Variants in PTPRD observed in about 807,000 individuals in gnomAD.
PTPRD encodes receptor-type tyrosine-protein phosphatase delta.
A neutral mutation model predicts 214.5 loss-of-function variants in PTPRD; 34 were observed. The ratio of observed to expected loss-of-function variants is 0.16; its 90% CI spans 0.12 to 0.21. The LOEUF is 0.21. PTPRD is among the 10% of genes least tolerant of loss of function. The pLI is 1.00. For synonymous variants in PTPRD, 1,128 were observed against 845.7 expected, an observed-to-expected ratio of 1.33 and a Z score of -5.79; for missense variants, 2,545 against 2,398.7, an observed-to-expected ratio of 1.06 and a Z score of -1.27.
intron 9 of PTPRD, among the ~76,000 whole-genome samples, chr9:9,238,653 T>A (rs922452332): frequency 2.6e-5 from 4 of 152,122 alleles, no homozygotes; most frequent in East Asian, 1.9e-4. Flanking sequence ...AAGCTGGGCA[T>A]AGAATGGGCT....
intron 2 of PTPRD, among the ~76,000 whole-genome samples, chr9:10,597,170 G>A (rs897979291): frequency 2.0e-5 from 3 of 151,360 alleles, no homozygotes; most frequent in African/African-American, 7.3e-5. Flanking sequence ...ATTACGAATA[G>A]TACAAAAGGT....
At chr9:9,260,956 A>G (rs972426524) in intron 9 of PTPRD, among the ~76,000 whole-genome samples, 5 of 151,804 alleles carry the variant, frequency 3.3e-5, no homozygotes, top group Non-Finnish European at 7.4e-5. Context: ...ATTCTTTGGT[A>G]TTTTCTCGCA....
intron 2 of PTPRD, among the ~76,000 whole-genome samples, chr9:10,503,191 T>TAAAAAA (rs1385726789): frequency 2.4e-3 from 4 of 1,688 alleles, no homozygotes; most frequent in South Asian, 0.02. Flanking sequence ...ACAGCTGCAA[T>TAAAAAA]ACAAAAAAAA....
chr9:9,349,586 CTAAGT>C lies in PTPRD; in HGVS notation c.-203+47858_-203+47862del, dbSNP rs1159631549. 3.4e-5 allele frequency among the ~76,000 whole-genome samples: 4 copies of C among 117,852 alleles called. No individual in the cohort carries two copies. The South Asian group carries it at 9.4e-4, about 28-fold the overall frequency. 77.3% of individuals were successfully genotyped at this position (117,852 alleles called of 152,430 possible). ...TGAAAATTGGATTTTTTTCATTTCT[CTAAGT>C]TTTTTTTTTTTTGTATACTAAAGTT... On this transcript the variant is annotated intron_variant, in intron 9 of 45. Coordinates refer to ENST00000381196, the MANE Select transcript of PTPRD (RefSeq NM_002839.4).
At chr9:10,478,777 A>G (rs1347405525) in intron 2 of PTPRD, among the ~76,000 whole-genome samples, 2 of 151,582 alleles carry the variant, frequency 1.3e-5, no homozygotes, top group Admixed American at 6.6e-5. Flanking sequence ...AGTTGAGGAA[A>G]ATTTCAGAAA....
At chr9:9,952,002 G>T (rs981411783) in intron 4 of PTPRD, among the ~76,000 whole-genome samples, 1 of 152,092 alleles carries the variant, frequency 6.6e-6, no homozygotes, top group Admixed American at 6.6e-5. Context: ...CACAATTATG[G>T]CCTACAGGAA....
intron 3 of PTPRD, among the ~76,000 whole-genome samples, chr9:10,307,399 A>T (rs948651228): frequency 6.6e-6 from 1 of 152,074 alleles, no homozygotes; most frequent in Non-Finnish European, 1.5e-5. Context: ...TATAAATGAC[A>T]GGACTGTGTT....
At chr9:9,083,706 G>GA (rs938097251) in intron 10 of PTPRD, among the ~76,000 whole-genome samples, 3 of 151,356 alleles carry the variant, frequency 2.0e-5, no homozygotes, top group African/African-American at 7.3e-5. Context: ...AAATTTACAA[G>GA]AAAAAAAATA....
At chr9:10,236,112 T>C (rs892516487) in intron 3 of PTPRD, among the ~76,000 whole-genome samples, 7 of 151,940 alleles carry the variant, frequency 4.6e-5, no homozygotes, top group Admixed American at 1.3e-4. Context: ...TAGGGTTTTT[T>C]ACTATAACTA....
chr9:9,195,160 A>G (rs1042373904), intron 9 of PTPRD, among the ~76,000 whole-genome samples: 1 of 151,370 alleles, frequency 6.6e-6, no homozygotes, highest in Non-Finnish European at 1.5e-5. Context: ...TAAAACAAAC[A>G]AATTGTTAAG....
rs1401414279 is a variant in PTPRD, at chr9:10,447,968, CAT to C, written c.-599-106953_-599-106952del. On this transcript the variant is annotated intron_variant, in intron 2 of 45. Coordinates refer to ENST00000381196, the MANE Select transcript of PTPRD (RefSeq NM_002839.4). ...TGTCTAACAGTTTGACACTGGCACA[CAT>C]AGTCCCCATTATAATCACTGTGTGT... 2.6e-5 allele frequency among the ~76,000 whole-genome samples: 4 copies of C among 152,052 alleles called. No individual in the cohort carries two copies. In the South Asian group the frequency reaches 8.3e-4, roughly 31 times the overall value.
At chr9:8,505,408 G>A (rs1207521360) in intron 22 of PTPRD, among the ~76,000 whole-genome samples, 2 of 152,072 alleles carry the variant, frequency 1.3e-5, no homozygotes, top group Admixed American at 1.3e-4. Context: ...GGAACATGAG[G>A]TCAGGAGATC....
intron 7 of PTPRD, among the ~76,000 whole-genome samples, chr9:9,647,176 C>A (rs979750155): frequency 1.3e-5 from 2 of 149,146 alleles, no homozygotes; most frequent in African/African-American, 5.2e-5. Context: ...TGCATCTTTC[C>A]CCCCCCTCTT....
intron 12 of PTPRD, among the ~76,000 whole-genome samples, chr9:8,644,275 C>A (rs549996045): frequency 6.6e-6 from 1 of 151,974 alleles, no homozygotes; most frequent in African/African-American, 2.4e-5. Context: ...GCTACCCTCT[C>A]TGACAGGAGC....
rs544243487 is a variant in PTPRD at position 9,661,361 on chromosome 9, A to G, written c.-287+73172T>C. ...AACTGTATATTTTTTTAAATTGCTA[A>G]ACTAGATTCAGTTCATCTCTTTCTT... On this transcript the variant is annotated intron_variant, in intron 7 of 45. Transcript: ENST00000381196. 2.5e-3 allele frequency among the ~76,000 whole-genome samples: 383 copies of G among 152,010 alleles called. 2 individuals carry two copies. Among genetic ancestry groups the G allele is most frequent in the African/African-American group, 8.6e-3 (359 of 41,542 alleles).
At chr9:9,370,203 G>A (rs1162154273) in intron 9 of PTPRD, among the ~76,000 whole-genome samples, 1 of 152,084 alleles carries the variant, frequency 6.6e-6, no homozygotes, top group Non-Finnish European at 1.5e-5. Flanking sequence ...ACTTTGGGCA[G>A]TATGGCCATT....
rs181133954 is a variant in PTPRD at position 10,556,705 on chromosome 9, A to T, written c.-600+55693T>A. On this transcript the variant is annotated intron_variant, in intron 2 of 45. Transcript: ENST00000381196. Reference sequence around the variant, plus strand: ...GAGTTTTTAATGAACATCTAAAAACAGGAGGAACACATTTAACAACAGGTG... The same window carrying T: ...GAGTTTTTAATGAACATCTAAAAACTGGAGGAACACATTTAACAACAGGTG... 2.6e-3 allele frequency among the ~76,000 whole-genome samples: 396 copies of T among 152,286 alleles called. 1 individual carries two copies. Among genetic ancestry groups the T allele is most frequent in the African/African-American group, 9.0e-3 (374 of 41,594 alleles).
Position 8,551,251 on chromosome 9 carries a change from A to G in PTPRD, c.353-22472T>C, listed in dbSNP as rs181123633. Among the ~76,000 whole-genome samples, 48 of 152,268 alleles carry G rather than the reference A, an allele frequency of 3.2e-4. 1 individual carries two copies. Among genetic ancestry groups the G allele is most frequent in the Admixed American group, 3.1e-3 (48 of 15,290 alleles). On this transcript the variant is annotated intron_variant, in intron 14 of 45. Transcript: ENST00000381196. ...ATAGCACAAACATATTTTGTAATTA[A>G]ATTTTTTTTCAATTTCAGAAGCCAT... is the stretch of plus-strand genomic sequence containing the variant.
chr9:9,741,378 G>C (rs2098399850), intron 6 of PTPRD, among the ~76,000 whole-genome samples: 1 of 151,892 alleles, frequency 6.6e-6, no homozygotes. Context: ...ACAAGGAGTA[G>C]TATGTTTAAC....
Sources: gnomAD v4.1 joint callset for allele counts (sites outside exome capture counted in the v4.1 genomes callset) on GRCh38, gnomAD v4.1.1 for gene constraint, MANE v1.5 for transcripts, NCBI Gene and HGNC (gene_info 2026-07-23, HGNC 2026-07-21) for gene names.